FLVCR1: variants seen among roughly 807,000 people sequenced by gnomAD.
The protein encoded by FLVCR1 is FLVCR choline and heme transporter 1, also known as choline/ethanolamine transporter FLVCR1.
Under a neutral mutation model 53.6 loss-of-function variants are expected in FLVCR1, and 34 were observed. The observed-to-expected ratio is 0.63, with a 90% CI of 0.48 to 0.84. The LOEUF is 0.84. Ranked by LOEUF, FLVCR1 falls within the 40% of genes least tolerant of loss-of-function variation. The probability of loss-of-function intolerance (pLI) is 0.00; values close to 1 mark genes in which losing one functional copy is unlikely to be tolerated. For synonymous variants in FLVCR1, 300 were observed against 286.3 expected, an observed-to-expected ratio of 1.05 and a Z score of -0.48; for missense variants, 677 against 696.7, an observed-to-expected ratio of 0.97 and a Z score of 0.32.
intron 2 of FLVCR1, among the ~76,000 whole-genome samples, chr1:212,869,409 A>G (rs910925571): frequency 6.6e-6 from 1 of 152,240 alleles, no homozygotes; most frequent in Non-Finnish European, 1.5e-5. Flanking sequence ...CTTAAGTTCG[A>G]CTTTCCTACA....
At chr1:212,882,591 G>A (rs1212508445) in intron 3 of FLVCR1, among the ~76,000 whole-genome samples, 1 of 152,032 alleles carries the variant, frequency 6.6e-6, no homozygotes, top group East Asian at 1.9e-4. Context: ...GATATATGAG[G>A]ATATTTGTTG....
At chr1:212,891,975 C>T (rs563667901) in intron 8 of FLVCR1, among the ~76,000 whole-genome samples, 9 of 152,310 alleles carry the variant, frequency 5.9e-5, no homozygotes, top group African/African-American at 9.6e-5. Flanking sequence ...ACAACATCGC[C>T]GTAAGCCAAA....
chr1:212,891,108 A>T (rs1665179910), intron 8 of FLVCR1, among the ~76,000 whole-genome samples: 1 of 152,158 alleles, frequency 6.6e-6, no homozygotes, highest in African/African-American at 2.4e-5. Flanking sequence ...ACTATATCTT[A>T]TCTAAGATTA....
Position 212,858,325 on chromosome 1 carries a change from C to G in FLVCR1, c.-128C>G. The G allele has an allele frequency of 1.0e-6, 1 of 958,520 alleles. No homozygotes were observed. 59.4% of individuals were successfully genotyped at this position (958,520 alleles called of 1,614,324 possible). ...CGCGGATTGCGGTTCGCGGCGCGCG[C>G]CACCGGGGAAGGAGCGGTGGGCCGA... On this transcript the variant is annotated 5_prime_UTR_variant, in exon 1 of 10. Transcript: ENST00000366971.
intron 8 of FLVCR1, among the ~76,000 whole-genome samples, chr1:212,891,470 T>C (rs1391875756): frequency 2.0e-5 from 3 of 152,102 alleles, no homozygotes; most frequent in Non-Finnish European, 4.4e-5. Context: ...ATTATTGTTA[T>C]ACCAAAGAAG....
intron 3 of FLVCR1, among the ~76,000 whole-genome samples, chr1:212,878,443 A>G (rs777190589): frequency 2.7e-5 from 4 of 150,856 alleles, no homozygotes; most frequent in African/African-American, 4.9e-5. Context: ...TCCGCCTCTC[A>G]GTGAGAGGCA....
chr1:212,889,475 GAGTAGTAA>G, intron 8 of FLVCR1, among the ~76,000 whole-genome samples: 1 of 152,170 alleles, frequency 6.6e-6, no homozygotes, highest in Non-Finnish European at 1.5e-5. Context: ...GTTATAATAA[GAGTAGTAA>G]AGGCTGGGTG....
chr1:212,884,149 A>T (rs551477941), intron 4 of FLVCR1, among the ~76,000 whole-genome samples: 1 of 152,144 alleles, frequency 6.6e-6, no homozygotes, highest in Non-Finnish European at 1.5e-5. Flanking sequence ...AAAATACAAA[A>T]TTAGCTGGGC....
At chr1:212,883,233 CTG>C (rs1664969261) in intron 3 of FLVCR1, 136 bp from the exon 4 acceptor site, 1 of 637,394 alleles carries the variant, frequency 1.6e-6, no homozygotes, top group African/African-American at 1.8e-5. Flanking sequence ...CCTTTATCAA[CTG>C]TGTTAAGAAA....
Position 212,898,498 on chromosome 1 carries a change from A to C in FLVCR1, c.*3208A>C, listed in dbSNP as rs928135759. 4 of 152,252 alleles carry C rather than the reference A, an allele frequency of 2.6e-5. No individual in the cohort carries two copies. The highest frequency in any genetic ancestry group is 6.5e-5 in the Admixed American group (1 of 15,286). The allele number at this position is 152,252 out of a possible 1,614,324, so 9.4% of individuals were successfully genotyped here. ...GTTCCTGAGGTTTGGAACAAATTAC[A>C]CATAAAATTTAGAATACTTTATTTC... is the stretch of plus-strand genomic sequence containing the variant. On this transcript the variant is annotated 3_prime_UTR_variant, in exon 10 of 10. Transcript: ENST00000366971.
At chr1:212,892,149 G>A (rs1357231106) in intron 8 of FLVCR1, among the ~76,000 whole-genome samples, 1 of 152,260 alleles carries the variant, frequency 6.6e-6, no homozygotes, top group East Asian at 1.9e-4. Flanking sequence ...AAGTGCTGAT[G>A]TAGATGCTGA....
In FLVCR1 at chr1:212,896,855, T is replaced by TAAAAAAAAAAAAAAAAAAAAAAAAAAA. The variant is rs774614268; in HGVS notation, c.*1572_*1598dup. 5.8e-5 allele frequency: 1 copy of TAAAAAAAAAAAAAAAAAAAAAAAAAAA among 17,112 alleles called. No homozygotes were observed. Among genetic ancestry groups the TAAAAAAAAAAAAAAAAAAAAAAAAAAA allele is most frequent in the African/African-American group, 1.6e-4 (1 of 6,136 alleles). 1.1% of individuals were successfully genotyped at this position (17,112 alleles called of 1,614,324 possible). Reference sequence around the variant, plus strand: ...CAACATGGTAAAACCCCATCTCTACTAAAAAAAAAAAAAAAAAAAAAAAAA... The same window carrying TAAAAAAAAAAAAAAAAAAAAAAAAAAA: ...CAACATGGTAAAACCCCATCTCTACTAAAAAAAAAAAAAAAAAAAAAAAAAAAAAAAAAAAAAAAAAAAAAAAAAAAA... On this transcript the variant is annotated 3_prime_UTR_variant, in exon 10 of 10. Coordinates refer to ENST00000366971, the MANE Select transcript of FLVCR1 (RefSeq NM_014053.4).
intron 2 of FLVCR1, among the ~76,000 whole-genome samples, chr1:212,870,636 A>G (rs2102548025): frequency 6.6e-6 from 1 of 152,102 alleles, no homozygotes; most frequent in East Asian, 1.9e-4. Context: ...AAAAAATCCT[A>G]ATTTCTATTA....
chr1:212,893,306 C>T (rs1031816679), intron 8 of FLVCR1, among the ~76,000 whole-genome samples: 1 of 152,082 alleles, frequency 6.6e-6, no homozygotes, highest in Non-Finnish European at 1.5e-5. Context: ...CTGCCTGCCT[C>T]GGCCTCCCAA....
Position 212,858,329 on chromosome 1 carries a change from C to A in FLVCR1, c.-124C>A. On this transcript the variant is annotated 5_prime_UTR_variant, in exon 1 of 10. Coordinates refer to ENST00000366971, the MANE Select transcript of FLVCR1 (RefSeq NM_014053.4). ...GATTGCGGTTCGCGGCGCGCGCCAC[C>A]GGGGAAGGAGCGGTGGGCCGAGGGG... is the stretch of plus-strand genomic sequence containing the variant. 2.0e-6 allele frequency: 2 copies of A among 986,448 alleles called. No homozygotes were observed. Among genetic ancestry groups the A allele is most frequent in the Non-Finnish European group, 2.8e-6 (2 of 707,060 alleles). 61.1% of individuals were successfully genotyped at this position (986,448 alleles called of 1,614,324 possible).
intron 3 of FLVCR1, among the ~76,000 whole-genome samples, chr1:212,873,827 C>T (rs772036716): frequency 2.6e-5 from 4 of 152,122 alleles, no homozygotes; most frequent in Non-Finnish European, 5.9e-5. Context: ...CAATTAAGTC[C>T]GGACCTAAAC....
rs1026677944 is a variant in FLVCR1, at chr1:212,895,321, A to G, written c.*31A>G. 5 of 1,495,014 alleles carry G rather than the reference A, an allele frequency of 3.3e-6. No homozygotes were observed. Among genetic ancestry groups the G allele is most frequent in the Non-Finnish European group, 4.7e-6 (5 of 1,070,904 alleles). The allele number at this position is 1,495,014 out of a possible 1,614,324, so 92.6% of individuals were successfully genotyped here. Reference sequence around the variant, plus strand: ...AAGGCAAAGTTACTGTCCTGTAGTAATTGGGGACAATGTGATCATCCTTGG... The same window carrying G: ...AAGGCAAAGTTACTGTCCTGTAGTAGTTGGGGACAATGTGATCATCCTTGG... On this transcript the variant is annotated 3_prime_UTR_variant, in exon 10 of 10. Transcript: ENST00000366971.
intron 1 of FLVCR1, among the ~76,000 whole-genome samples, chr1:212,860,350 G>GTTTTTTTTTTGTTTTTTTTTTTT (rs1664187293): frequency 8.2e-5 from 7 of 85,824 alleles, no homozygotes; most frequent in African/African-American, 2.6e-4. Flanking sequence ...TGTGTGTGTG[G>GTTTTTTTTTTGTTTTTTTTTTTT]TTTTTTTTTT....
At chr1:212,888,921 C>T (rs968781776) in intron 7 of FLVCR1, among the ~76,000 whole-genome samples, 1 of 152,010 alleles carries the variant, frequency 6.6e-6, no homozygotes, top group African/African-American at 2.4e-5. Context: ...GACTCCTGGG[C>T]TCAAGCAATT....
Sources: allele counts gnomAD v4.1 joint callset (sites outside exome capture counted in the v4.1 genomes callset), GRCh38; gene constraint gnomAD v4.1.1; transcripts MANE v1.5; gene names NCBI Gene and HGNC (gene_info 2026-07-23, HGNC 2026-07-21).